The following UBE3C variants were observed in gnomAD, a reference collection of about 807,000 sequenced individuals.
UBE3C encodes the protein ubiquitin protein ligase E3C.
Under a neutral mutation model 129.4 loss-of-function variants are expected in UBE3C, and 42 were observed. The observed-to-expected ratio is 0.32, with a 90% CI of 0.25 to 0.42. The LOEUF (loss-of-function observed/expected upper bound fraction) is 0.42, where lower values mean the gene tolerates loss of function less well. Ranked by LOEUF, UBE3C falls within the 10% of genes least tolerant of loss-of-function variation. UBE3C has a pLI of 1.00. For missense variants in UBE3C, 1,049 were observed against 1,319.1 expected, an observed-to-expected ratio of 0.80 and a Z score of 3.17; for synonymous variants, 510 against 492.4, an observed-to-expected ratio of 1.04 and a Z score of -0.47.
chr7:157,160,565 C>A (rs1038153005), intron 1 of UBE3C, among the ~76,000 whole-genome samples: 1 of 152,056 alleles, frequency 6.6e-6, no homozygotes, highest in Non-Finnish European at 1.5e-5. Context: ...TTGTATGGTA[C>A]CAAGTAGTAG....
intron 2 of UBE3C, among the ~76,000 whole-genome samples, chr7:157,167,875 G>A (rs1453804684): frequency 6.6e-6 from 1 of 152,128 alleles, no homozygotes; most frequent in Non-Finnish European, 1.5e-5. Context: ...GTAGTAGGCT[G>A]TCCAACAGCA....
In UBE3C at chr7:157,207,410, G is replaced by T. The variant is rs374782094; in HGVS notation, c.1431G>T (p.Pro477=). The stretch of plus-strand genomic sequence containing the variant: ...TCTTTAATTCAAGGTCTATGGTACC[G>T]TTGCTTCAGGTGATATCCAGGGGTT... ...STRMITGSMV[P]LLQVISRGSP... is the part of the protein sequence containing the mutation. The change falls in exon 12 of 23, where the codon CCG becomes CCT. Residue 477 remains proline, a synonymous_variant. Coordinates refer to ENST00000348165, the MANE Select transcript of UBE3C (RefSeq NM_014671.3). 1.2e-6 allele frequency: 2 copies of T among 1,612,260 alleles called. No individual in the cohort carries two copies. The highest frequency in any genetic ancestry group is 8.5e-7 in the Non-Finnish European group (1 of 1,179,730).
chr7:157,140,158 G>T (rs1586636080), intron 1 of UBE3C: 1 of 350,116 alleles, frequency 2.9e-6, no homozygotes, highest in Admixed American at 6.7e-5. Flanking sequence ...TCTTGTTCCC[G>T]CCCCTCCCTT....
At chr7:157,247,034 GC>G (rs1243646732) in intron 18 of UBE3C, among the ~76,000 whole-genome samples, 10 of 152,182 alleles carry the variant, frequency 6.6e-5, no homozygotes, top group Non-Finnish European at 1.3e-4. Context: ...GGGATTATAG[GC>G]ATATGCCACC....
At position 157,171,767 on chromosome 7, in the gene UBE3C, C is replaced by A. The variant is rs546590002; in HGVS notation, c.342+1317C>A. ...TGTCACCCAGGCTGGAATGCAGTGG[C>A]ATCATCTCGGCTCACTGTAACCTCC... is the stretch of plus-strand genomic sequence containing the variant. On this transcript the variant is annotated intron_variant, in intron 4 of 22. Transcript: ENST00000348165. 3.9e-5 allele frequency among the ~76,000 whole-genome samples: 5 copies of A among 127,472 alleles called. No homozygotes were observed. The South Asian group carries it at 1.4e-3, about 35-fold the overall frequency. 83.6% of individuals were successfully genotyped at this position (127,472 alleles called of 152,430 possible).
intron 6 of UBE3C, among the ~76,000 whole-genome samples, chr7:157,180,654 G>A (rs1423339031): frequency 1.3e-5 from 2 of 152,230 alleles, no homozygotes; most frequent in Non-Finnish European, 2.9e-5. Context: ...TGGAGTAAAT[G>A]ATTCTGAAAG....
intron 11 of UBE3C, among the ~76,000 whole-genome samples, chr7:157,203,486 G>T (rs1410415462): frequency 6.6e-6 from 1 of 152,140 alleles, no homozygotes; most frequent in Admixed American, 6.6e-5. Context: ...GGGCAGAAGG[G>T]AATTGAGAAT....
chr7:157,234,861 C>T (rs1355091208), intron 18 of UBE3C, among the ~76,000 whole-genome samples: 1 of 152,122 alleles, frequency 6.6e-6, no homozygotes, highest in African/African-American at 2.4e-5. Flanking sequence ...TTCAGCTTCC[C>T]CTGGAGGATG....
intron 18 of UBE3C, among the ~76,000 whole-genome samples, chr7:157,241,109 C>A (rs1206302215): frequency 1.3e-5 from 2 of 151,984 alleles, no homozygotes; most frequent in African/African-American, 4.8e-5. Context: ...CCTTCTGTGC[C>A]CGGTGGTTCA....
intron 22 of UBE3C, 97 bp downstream of exon 22, chr7:157,257,141 C>G (rs1796772592): frequency 2.7e-6 from 4 of 1,489,666 alleles, no homozygotes; most frequent in African/African-American, 1.4e-5. Context: ...TTTACATACA[C>G]TTTTGTTTTT....
At chr7:157,206,266 T>C (rs1809430072) in intron 11 of UBE3C, among the ~76,000 whole-genome samples, 1 of 152,206 alleles carries the variant, frequency 6.6e-6, no homozygotes, top group Non-Finnish European at 1.5e-5. Context: ...CTTTTTTATT[T>C]ATTTATTTTT....
intron 18 of UBE3C, among the ~76,000 whole-genome samples, chr7:157,242,342 C>T (rs937157227): frequency 4.6e-5 from 7 of 152,112 alleles, no homozygotes; most frequent in South Asian, 4.1e-4. Context: ...CTGTTATCAT[C>T]GAAGGCATCA....
At chr7:157,223,080 T>C in intron 15 of UBE3C, 174 bp from the exon 16 acceptor site, 2 of 628,550 alleles carry the variant, frequency 3.2e-6, no homozygotes, top group South Asian at 3.7e-5. Context: ...ACTGTGCTGA[T>C]CCTGCACTGT....
intron 18 of UBE3C, among the ~76,000 whole-genome samples, chr7:157,238,634 G>A (rs1397610702): frequency 6.6e-6 from 1 of 152,074 alleles, no homozygotes; most frequent in Non-Finnish European, 1.5e-5. Context: ...CTTAGTGAGG[G>A]GCAGTTGAGG....
Position 157,148,511 on chromosome 7 carries a change from G to A in UBE3C, c.66+9173G>A, listed in dbSNP as rs1009617063. On this transcript the variant is annotated intron_variant, in intron 1 of 22. Transcript: ENST00000348165. ...ACTGCCCTCTATTATATAATTGAAG[G>A]GATTACCTAGTTTTGTAAAACTGCC... Among the ~76,000 whole-genome samples, 5 of 151,814 alleles carry A rather than the reference G, an allele frequency of 3.3e-5. No individual in the cohort carries two copies. In the East Asian group the frequency reaches 9.7e-4, roughly 29 times the overall value.
intron 18 of UBE3C, among the ~76,000 whole-genome samples, chr7:157,237,514 G>A (rs1042702245): frequency 6.6e-6 from 1 of 152,168 alleles, no homozygotes; most frequent in African/African-American, 2.4e-5. Context: ...GGATTAAGTA[G>A]GTCTTGCTTA....
In UBE3C at chr7:157,256,954, G is replaced by A; in HGVS notation, c.2991G>A (p.Trp997Ter). 2 of 1,614,148 alleles carry A rather than the reference G, an allele frequency of 1.2e-6. No homozygotes were observed. The highest frequency in any genetic ancestry group is 1.7e-6 in the Non-Finnish European group (2 of 1,180,026). The stretch of plus-strand genomic sequence containing the variant: ...ACCATCCTGTTATTAAGGTCTTCTG[G>A]AGAGTTGTGGAAGGGTTCACTGATG... The part of the protein sequence containing the change: ...SADHPVIKVF[W>*]RVVEGFTDEE... The change falls in exon 22 of 23, where the codon TGG becomes TGA. Residue 997 changes from tryptophan (W) to a stop codon, truncating the protein, a stop_gained. Transcript: ENST00000348165. LOFTEE classifies it high-confidence loss of function.
intron 1 of UBE3C, among the ~76,000 whole-genome samples, chr7:157,149,978 A>G (rs994719318): frequency 1.3e-5 from 2 of 152,148 alleles, no homozygotes; most frequent in African/African-American, 4.8e-5. Flanking sequence ...TCCATAGCCC[A>G]TCACCTTCGA....
At chr7:157,250,736 G>T (rs573885273) in intron 19 of UBE3C, among the ~76,000 whole-genome samples, 3 of 152,224 alleles carry the variant, frequency 2.0e-5, no homozygotes, top group East Asian at 1.9e-4. Context: ...TTGGCGGGGG[G>T]GCTGTTACTG....
Sources: allele counts gnomAD v4.1 joint callset (sites outside exome capture counted in the v4.1 genomes callset), GRCh38; gene constraint gnomAD v4.1.1; transcripts MANE v1.5; gene names NCBI Gene and HGNC (gene_info 2026-07-23, HGNC 2026-07-21).